OTOF: variants seen among roughly 807,000 people sequenced by gnomAD.
OTOF encodes fer-1-like family member 2.
Under a neutral mutation model 236.8 loss-of-function variants are expected in OTOF, and 218 were observed. The ratio of observed to expected loss-of-function variants is 0.92; its 90% CI spans 0.82 to 1.03. OTOF has a LOEUF of 1.03. OTOF is among the 50% of genes least tolerant of loss of function. The pLI is 0.00. For synonymous variants in OTOF, 1,041 were observed against 1,072.5 expected (o/e 0.97, Z 0.57); for missense variants, 2,590 against 2,694.4 (o/e 0.96, Z 0.86).
chr2:26,483,090 T>TGTGTGTGTGTATTCGTGGGTGCAC (rs1491434330), intron 13 of OTOF, among the ~76,000 whole-genome samples: 14 of 145,538 alleles, frequency 9.6e-5, no homozygotes, highest in Non-Finnish European at 2.0e-4. Flanking sequence ...AATGGGTGCA[T>TGTGTGTGTGTATTCGTGGGTGCAC]GTGTGTGTGT....
intron 3 of OTOF, among the ~76,000 whole-genome samples, chr2:26,525,413 C>T (rs1388836981): frequency 6.6e-6 from 1 of 152,228 alleles, no homozygotes; most frequent in Admixed American, 6.5e-5. Flanking sequence ...CCTAAGACAG[C>T]ACATTGGCTG....
chr2:26,469,195 T>C (rs1358689326), intron 32 of OTOF, among the ~76,000 whole-genome samples: 1 of 152,242 alleles, frequency 6.6e-6, no homozygotes, highest in African/African-American at 2.4e-5. Flanking sequence ...TGTACTATAT[T>C]TTCTTTCACT....
At chr2:26,525,506 C>A (rs1666778846) in intron 3 of OTOF, among the ~76,000 whole-genome samples, 1 of 152,242 alleles carries the variant, frequency 6.6e-6, no homozygotes, top group Non-Finnish European at 1.5e-5. Flanking sequence ...ACCTTTCTTT[C>A]CTCTTCCTGT....
Position 26,480,237 on chromosome 2 carries a change from G to C in OTOF, c.1878C>G (p.Asn626Lys). Residue 626 changes from asparagine to lysine, a missense_variant, in exon 16 of 47, where the codon AAC becomes AAG. By Grantham distance (94) the Asn-to-Lys change is moderately conservative (BLOSUM62 0). This residue lies in a region of OTOF where 1,379 missense variants were observed against 1,341.6 expected (regional missense o/e 1.03). Coordinates refer to ENST00000272371, the MANE Select transcript of OTOF (RefSeq NM_194248.3). ...FLEASMIDRR[N>K]GDKPITFEVT... is the part of the protein sequence containing the mutation. Reference sequence around the variant, plus strand: ...CCTCAAAGGTGATGGGCTTGTCTCCGTTTCTCCGGTCGATCATTGAGGCCT... The same window carrying C: ...CCTCAAAGGTGATGGGCTTGTCTCCCTTTCTCCGGTCGATCATTGAGGCCT... 1 of 1,612,704 alleles carries C rather than the reference G, an allele frequency of 6.2e-7. No individual in the cohort carries two copies. Among genetic ancestry groups the C allele is most frequent in the Non-Finnish European group, 8.5e-7 (1 of 1,179,332 alleles).
At chr2:26,472,288 AC>A (rs1360890043) in intron 30 of OTOF, 2 of 584,608 alleles carry the variant, frequency 3.4e-6, no homozygotes, top group African/African-American at 3.7e-5. Context: ...TGCACACCAC[AC>A]ACATGCGCAC....
intron 1 of OTOF, among the ~76,000 whole-genome samples, chr2:26,539,525 C>T (rs755413407): frequency 6.2e-4 from 95 of 152,274 alleles, no homozygotes; most frequent in Admixed American, 1.1e-3. Context: ...CACCTGAGGT[C>T]GGGAGTTCGA....
At chr2:26,506,169 G>C (rs1666242474) in intron 5 of OTOF, among the ~76,000 whole-genome samples, 1 of 152,144 alleles carries the variant, frequency 6.6e-6, no homozygotes, top group African/African-American at 2.4e-5. Context: ...GGGCCTCCTC[G>C]TGGGTCACTT....
At chr2:26,493,229 A>G (rs150624658) in intron 9 of OTOF, among the ~76,000 whole-genome samples, 1 of 152,268 alleles carries the variant, frequency 6.6e-6, no homozygotes, top group East Asian at 1.9e-4. Context: ...TGTGGTCACA[A>G]AGGAGAGTTC....
intron 5 of OTOF, among the ~76,000 whole-genome samples, chr2:26,514,503 G>A (rs1302302244): frequency 6.6e-6 from 1 of 152,258 alleles, no homozygotes; most frequent in African/African-American, 2.4e-5. Flanking sequence ...TTAGGACTGA[G>A]TGAGAAACTG....
intron 12 of OTOF, 131 bp from the exon 13 acceptor site, chr2:26,483,779 A>G: frequency 1.3e-6 from 1 of 758,570 alleles, no homozygotes; most frequent in Non-Finnish European, 2.1e-6. Flanking sequence ...AGGATTAGAC[A>G]CTTGTGTTCA....
rs1211383465 is a variant in OTOF, at chr2:26,464,184, G to A, written c.4961-78C>T. ...CTTTGCTGGGACTAGGGACTTAGGA[G>A]CACAAAGAAGCCTCTATGCCATCAC... On this transcript the variant is annotated intron_variant, in intron 39 of 46. Coordinates refer to ENST00000272371, the MANE Select transcript of OTOF (RefSeq NM_194248.3). The A allele has an allele frequency of 3.1e-5, 48 of 1,551,624 alleles. 1 individual carries two copies. Among genetic ancestry groups the A allele is most frequent in the Non-Finnish European group, 4.0e-5 (45 of 1,133,388 alleles).
In OTOF at chr2:26,481,738, A is replaced by G. The variant is rs546525693; in HGVS notation, c.1579+668T>C. ...CCCCCTCAAAAGAAACTCTGCACCT[A>G]TTTAGCAGTTAGTCCCAATCCCCTC... On this transcript the variant is annotated intron_variant, in intron 14 of 46. Transcript: ENST00000272371. 1.2e-4 allele frequency among the ~76,000 whole-genome samples: 18 copies of G among 152,220 alleles called. 1 individual carries two copies. The highest frequency in any genetic ancestry group is 3.4e-3 in the Middle Eastern group (1 of 294).
At chr2:26,524,003 G>A (rs1666742323) in intron 3 of OTOF, among the ~76,000 whole-genome samples, 1 of 152,238 alleles carries the variant, frequency 6.6e-6, no homozygotes, top group Non-Finnish European at 1.5e-5. Flanking sequence ...TCCACAAGGG[G>A]ACCTCTTCTT....
At chr2:26,535,752 G>C (rs544738200) in intron 2 of OTOF, among the ~76,000 whole-genome samples, 1 of 152,300 alleles carries the variant, frequency 6.6e-6, no homozygotes, top group East Asian at 1.9e-4. Flanking sequence ...TCTCAAGCCC[G>C]GCCTGGCATG....
Position 26,537,693 on chromosome 2 carries a change from G to C in OTOF, c.138+23C>G, listed in dbSNP as rs773799267. ...CCCCTCTGGGCTCAGGGCTGAGGGA[G>C]GGGGGAGTCTTGGGCCTCCTACCTC... On this transcript the variant is annotated intron_variant, in intron 2 of 46. Transcript: ENST00000272371. 17 of 1,537,708 alleles carry C rather than the reference G, an allele frequency of 1.1e-5. No individual in the cohort carries two copies. In the East Asian group the frequency reaches 3.7e-4, roughly 33 times the overall value.
At chr2:26,488,956 C>A (rs966325339) in intron 11 of OTOF, among the ~76,000 whole-genome samples, 92 of 152,272 alleles carry the variant, frequency 6.0e-4, no homozygotes, top group Non-Finnish European at 2.4e-4. Context: ...GAAGCTCCTT[C>A]CAGGCTCTGT....
At chr2:26,534,878 G>A (rs1667031927) in intron 2 of OTOF, among the ~76,000 whole-genome samples, 2 of 152,178 alleles carry the variant, frequency 1.3e-5, no homozygotes, top group South Asian at 4.1e-4. Flanking sequence ...AAGGTTCAGG[G>A]GGATTTGAAA....
rs1664547061 is a variant in OTOF at position 26,462,923 on chromosome 2, T to C, written c.5192+560A>G. 6.6e-6 allele frequency among the ~76,000 whole-genome samples: 1 copy of C among 152,196 alleles called. No individual in the cohort carries two copies. The highest frequency in any genetic ancestry group is 2.4e-5 in the African/African-American group (1 of 41,444). ...AGCTGGACTTGAACCTGCCGCTTTA[T>C]GGATGGGAAACCCGGGTTCTTTTCA... On this transcript the variant is annotated intron_variant, in intron 41 of 46. Coordinates refer to ENST00000272371, the MANE Select transcript of OTOF (RefSeq NM_194248.3). The surrounding 1 kb of genome is among the most constrained non-coding windows in gnomAD (Gnocchi z 4.7).
intron 32 of OTOF, 65 bp from the exon 33 acceptor site, chr2:26,468,539 A>C: frequency 1.6e-6 from 2 of 1,228,786 alleles, no homozygotes; most frequent in Admixed American, 3.4e-5. Flanking sequence ...GTTGACCCCA[A>C]ATTGTGGGCC....
Sources: allele counts gnomAD v4.1 joint callset (sites outside exome capture counted in the v4.1 genomes callset), GRCh38; gene constraint gnomAD v4.1.1; regional missense constraint gnomAD v4.1.1; non-coding constraint Gnocchi (gnomAD v3.1); transcripts MANE v1.5; gene names NCBI Gene and HGNC (gene_info 2026-07-23, HGNC 2026-07-21).